Variants in MON2 observed in about 807,000 individuals in gnomAD.
The protein encoded by MON2 is protein MON2 homolog.
MON2 carries 84 observed loss-of-function variants against 208.6 expected under a neutral mutation model. That is an observed-to-expected ratio of 0.40 (90% CI 0.34 to 0.48). The LOEUF is 0.48. Ranked by LOEUF, MON2 falls within the 20% of genes least tolerant of loss-of-function variation. The probability of loss-of-function intolerance (pLI) is 0.59; values close to 1 mark genes in which losing one functional copy is unlikely to be tolerated. For synonymous variants in MON2, 660 were observed against 694.0 expected (o/e 0.95, Z 0.77); for missense variants, 1,611 against 2,015.4 (o/e 0.80, Z 3.84).
In MON2 at chr12:62,594,087, C is replaced by T. The variant is rs1054800656; in HGVS notation, c.*1338C>T. On this transcript the variant is annotated 3_prime_UTR_variant, in exon 35 of 35. Coordinates refer to ENST00000393630, the MANE Select transcript of MON2 (RefSeq NM_015026.3). The stretch of plus-strand genomic sequence containing the variant: ...ATGGATTATGGATTACAGTATTTTT[C>T]TTCTGAGTTAAATTTTCATAATTTA... 8 of 152,002 alleles carry T rather than the reference C, an allele frequency of 5.3e-5. No individual in the cohort carries two copies. The highest frequency in any genetic ancestry group is 2.6e-4 in the Admixed American group (4 of 15,268). 9.4% of individuals were successfully genotyped at this position (152,002 alleles called of 1,614,324 possible).
At chr12:62,553,288 A>G in intron 24 of MON2, 114 bp downstream of exon 24, 1 of 1,026,064 alleles carries the variant, frequency 9.7e-7, no homozygotes, top group Non-Finnish European at 1.4e-6. Flanking sequence ...GCATTTGTGT[A>G]TTTGACAAAA....
chr12:62,467,469 A>G, intron 1 of MON2, 151 bp downstream of exon 1: 1 of 646,582 alleles, frequency 1.5e-6, no homozygotes, highest in South Asian at 1.9e-5. Context: ...AGGGCTTTTT[A>G]TAGTTTCCAC....
chr12:62,560,961 G>A lies in MON2; in HGVS notation c.3880G>A (p.Asp1294Asn), dbSNP rs1275887079. The change falls in exon 26 of 35, where the codon GAT becomes AAT. Residue 1294 changes from aspartate to asparagine, a missense_variant. By Grantham distance (23) the Asp-to-Asn change is conservative. Coordinates refer to ENST00000393630, the MANE Select transcript of MON2 (RefSeq NM_015026.3). ...ACACATAAAAACTGGTTTCAATATGGATGACTTGCAAAAGTTGGGAGTCAT... is the reference window on the plus strand; with the variant it reads ...ACACATAAAAACTGGTTTCAATATGAATGACTTGCAAAAGTTGGGAGTCAT... ...YQHIKTGFNM[D>N]DLQKLGVILH... The A allele has an allele frequency of 1.2e-6, 2 of 1,613,882 alleles. No homozygotes were observed. Among genetic ancestry groups the A allele is most frequent in the Admixed American group, 1.7e-5 (1 of 59,996 alleles).
chr12:62,592,751 C>A lies in MON2; in HGVS notation c.*2C>A, dbSNP rs139671233. The A allele has an allele frequency of 6.3e-7, 1 of 1,579,658 alleles. No individual in the cohort carries two copies. The highest frequency in any genetic ancestry group is 1.3e-5 in the African/African-American group (1 of 74,412). Reference sequence around the variant, plus strand: ...AGAGTTCAAAATGGAGAATCTTGACCGGCTACAATATATTTGAAAGCAGGA... The same window carrying A: ...AGAGTTCAAAATGGAGAATCTTGACAGGCTACAATATATTTGAAAGCAGGA... On this transcript the variant is annotated 3_prime_UTR_variant, in exon 35 of 35. Coordinates refer to ENST00000393630, the MANE Select transcript of MON2 (RefSeq NM_015026.3).
intron 24 of MON2, among the ~76,000 whole-genome samples, chr12:62,555,792 G>C (rs1391670038): frequency 7.3e-6 from 1 of 137,302 alleles, no homozygotes; most frequent in African/African-American, 2.7e-5. Flanking sequence ...CTGGATGATA[G>C]AGTGAGACTC....
chr12:62,521,830 A>C (rs1001391396), intron 8 of MON2, among the ~76,000 whole-genome samples: 1 of 152,182 alleles, frequency 6.6e-6, no homozygotes, highest in Non-Finnish European at 1.5e-5. Flanking sequence ...CTGCTCTCTG[A>C]ATCACTTAGG....
At chr12:62,526,753 C>G (rs2072350690) in intron 11 of MON2, among the ~76,000 whole-genome samples, 1 of 152,060 alleles carries the variant, frequency 6.6e-6, no homozygotes, top group African/African-American at 2.4e-5. Context: ...ATAAGGCAAT[C>G]AATACTACAT....
intron 1 of MON2, among the ~76,000 whole-genome samples, chr12:62,470,144 C>G (rs1272199401): frequency 6.6e-6 from 1 of 151,952 alleles, no homozygotes; most frequent in Non-Finnish European, 1.5e-5. Flanking sequence ...TGCGATTAGG[C>G]AATCTGTCCA....
At position 62,571,346 on chromosome 12, in the gene MON2, G is replaced by C. The variant is rs374846242; in HGVS notation, c.4324-46G>C. The C allele has an allele frequency of 3.1e-6, 4 of 1,299,686 alleles. No individual in the cohort carries two copies. In the South Asian group the frequency reaches 6.7e-5, roughly 22 times the overall value. 80.5% of individuals were successfully genotyped at this position (1,299,686 alleles called of 1,614,324 possible). A position where few individuals can be genotyped will look rare whatever the true frequency, so the allele number is the denominator to read the frequency against. ...TAGTTTTTCTTAATTAAAATTGTGT[G>C]TGTATGTTTTAATTAATGCTTATAT... On this transcript the variant is annotated intron_variant, in intron 29 of 34. Coordinates refer to ENST00000393630, the MANE Select transcript of MON2 (RefSeq NM_015026.3).
At chr12:62,471,372 C>A (rs11174497) in intron 1 of MON2, among the ~76,000 whole-genome samples, 1 of 151,848 alleles carries the variant, frequency 6.6e-6, no homozygotes, top group East Asian at 1.9e-4. Context: ...TTAATAGAGA[C>A]GGGGTTTCAC....
At chr12:62,515,876 C>T (rs1471402311) in intron 8 of MON2, among the ~76,000 whole-genome samples, 1 of 151,892 alleles carries the variant, frequency 6.6e-6, no homozygotes, top group Non-Finnish European at 1.5e-5. Flanking sequence ...GTTGATACTA[C>T]TCAACTGTAC....
In MON2 at chr12:62,498,994, C is replaced by A. The variant is rs2070691142; in HGVS notation, c.511C>A (p.Gln171Lys). 6.2e-7 allele frequency: 1 copy of A among 1,613,134 alleles called. No individual in the cohort carries two copies. The highest frequency in any genetic ancestry group is 8.5e-7 in the Non-Finnish European group (1 of 1,179,648). ...TNNTAAATVR[Q>K]VVTVVFERMV... ...TAATACAGCTGCTGCTACAGTGCGA[C>A]AAGTTGTTACTGTTGTTTTTGAGAG... The change falls in exon 5 of 35, where the codon CAA becomes AAA. Residue 171 changes from glutamine (Q) to lysine (K), a missense_variant. Gln to Lys is a moderately conservative substitution (Grantham distance 53). Coordinates refer to ENST00000393630, the MANE Select transcript of MON2 (RefSeq NM_015026.3).
intron 8 of MON2, among the ~76,000 whole-genome samples, chr12:62,521,456 G>A (rs960804473): frequency 3.0e-4 from 45 of 152,218 alleles, no homozygotes; most frequent in African/African-American, 1.1e-3. Flanking sequence ...ATTGAAAATG[G>A]CAAATAATAT....
intron 9 of MON2, 120 bp downstream of exon 9, chr12:62,524,759 G>A: frequency 9.8e-7 from 1 of 1,015,448 alleles, no homozygotes; most frequent in Non-Finnish European, 1.4e-6. Flanking sequence ...CAATATTAGT[G>A]ATTTCTAAAC....
rs1012646647 is a variant in MON2 at position 62,593,672 on chromosome 12, T to C, written c.*923T>C. ...TGGCTGTCTGGATTTTAAAGACTTT[T>C]CATATTTTATATTTCTACTGATTTT... On this transcript the variant is annotated 3_prime_UTR_variant, in exon 35 of 35. Transcript: ENST00000393630. 1.3e-5 allele frequency: 2 copies of C among 152,540 alleles called. No individual in the cohort carries two copies. Among genetic ancestry groups the C allele is most frequent in the African/African-American group, 4.8e-5 (2 of 41,464 alleles). 9.4% of individuals were successfully genotyped at this position (152,540 alleles called of 1,614,324 possible).
intron 1 of MON2, among the ~76,000 whole-genome samples, chr12:62,474,375 C>T (rs2068954468): frequency 6.6e-6 from 1 of 152,044 alleles, no homozygotes. Flanking sequence ...GCCTCGGCCT[C>T]CCAAAGTGTT....
chr12:62,493,016 G>GAC (rs1346323133), intron 2 of MON2, among the ~76,000 whole-genome samples: 1 of 149,452 alleles, frequency 6.7e-6, no homozygotes, highest in Non-Finnish European at 1.5e-5. Context: ...GACACACACA[G>GAC]ACACACACAC....
chr12:62,566,276 T>A, intron 28 of MON2, 46 bp from the exon 29 acceptor site: 2 of 1,582,478 alleles, frequency 1.3e-6, no homozygotes, highest in Non-Finnish European at 1.7e-6. Context: ...ATGATTAATT[T>A]AATCTCAGTT....
chr12:62,532,254 A>C (rs181407945), intron 11 of MON2, among the ~76,000 whole-genome samples, 184 bp from the exon 12 acceptor site: 1 of 152,158 alleles, frequency 6.6e-6, no homozygotes, highest in Non-Finnish European at 1.5e-5. Context: ...TAATTTTTCT[A>C]ATCAGGTTTT....
Sources: gnomAD v4.1 joint callset for allele counts (sites outside exome capture counted in the v4.1 genomes callset) on GRCh38, gnomAD v4.1.1 for gene constraint, MANE v1.5 for transcripts, NCBI Gene and HGNC (gene_info 2026-07-23, HGNC 2026-07-21) for gene names.